Variants in MGAT4C observed in about 807,000 individuals in gnomAD.
MGAT4C encodes MGAT4 family member C, also known as alpha-1,3-mannosyl-glycoprotein 4-beta-N-acetylglucosaminyltransferase C.
MGAT4C carries 19 observed loss-of-function variants against 40.1 expected under a neutral mutation model. The ratio of observed to expected loss-of-function variants is 0.47; its 90% CI spans 0.33 to 0.70. MGAT4C has a LOEUF of 0.70. Among genes scored for constraint, MGAT4C ranks in the 30% least tolerant of loss-of-function variants. MGAT4C has a pLI of 0.02. For missense variants in MGAT4C, 491 were observed against 563.2 expected, an observed-to-expected ratio of 0.87 and a Z score of 1.30; for synonymous variants, 181 against 187.1, an observed-to-expected ratio of 0.97 and a Z score of 0.27.
rs369438132 is a variant in MGAT4C at position 86,179,326 on chromosome 12, TG to T, written c.-57+76912del. Among the ~76,000 whole-genome samples, 183 of 152,346 alleles carry T rather than the reference TG, an allele frequency of 1.2e-3. 1 individual carries two copies. Among genetic ancestry groups the T allele is most frequent in the African/African-American group, 4.2e-3 (173 of 41,590 alleles). On this transcript the variant is annotated intron_variant, in intron 1 of 4. Transcript: ENST00000611864. ...TTAAACTTCTTTTGGTTCCCAGTTTTGGGTATGTCTTTATCAGCAGTGTGAA... is the reference window on the plus strand; with the variant it reads ...TTAAACTTCTTTTGGTTCCCAGTTTTGGTATGTCTTTATCAGCAGTGTGAA...
intron 1 of MGAT4C, among the ~76,000 whole-genome samples, chr12:86,163,610 C>T (rs1014542208): frequency 6.6e-6 from 1 of 152,040 alleles, no homozygotes. Context: ...TTGAATAAAT[C>T]CATGTTATCA....
chr12:86,150,658 G>A (rs1341496160), intron 1 of MGAT4C, among the ~76,000 whole-genome samples: 2 of 152,192 alleles, frequency 1.3e-5, no homozygotes, highest in Non-Finnish European at 2.9e-5. Flanking sequence ...AAATTGTGTT[G>A]GAGGTCTTCA....
At chr12:86,704,987 T>C (rs1232430733) in intron 2 of MGAT4C, among the ~76,000 whole-genome samples, 1 of 152,100 alleles carries the variant, frequency 6.6e-6, no homozygotes, top group Non-Finnish European at 1.5e-5. Context: ...TTGTAGCCTT[T>C]TCTTGGAAAA....
At chr12:86,791,917 GAC>G in intron 1 of MGAT4C, among the ~76,000 whole-genome samples, 1 of 152,314 alleles carries the variant, frequency 6.6e-6, no homozygotes, top group East Asian at 1.9e-4. Context: ...AAGCAGGAGA[GAC>G]ACAGGCATTG....
rs562011365 is a variant in MGAT4C, at chr12:86,285,221, G to T, written c.-57+48844C>A. 1.5e-4 allele frequency among the ~76,000 whole-genome samples: 23 copies of T among 152,010 alleles called. No individual in the cohort carries two copies. In the South Asian group the frequency reaches 4.6e-3, roughly 30 times the overall value. On this transcript the variant is annotated intron_variant, in intron 4 of 7. Coordinates refer to the MGAT4C transcript ENST00000548651. ...TATTAGACACTATATTTTGCTGTAG[G>T]AATGAAGGGTGTTGATTCAATGAGA...
At chr12:86,239,041 T>C (rs939175518) in intron 1 of MGAT4C, among the ~76,000 whole-genome samples, 2 of 152,090 alleles carry the variant, frequency 1.3e-5, no homozygotes, top group Non-Finnish European at 2.9e-5. Flanking sequence ...AGATCCGTTC[T>C]GCAAAAAATA....
intron 1 of MGAT4C, among the ~76,000 whole-genome samples, chr12:86,175,171 G>A (rs900514053): frequency 3.3e-5 from 5 of 152,030 alleles, no homozygotes; most frequent in South Asian, 2.1e-4. Flanking sequence ...AGAAATGTAC[G>A]ATATAATCAA....
chr12:86,330,342 A>T (rs1954634924), intron 4 of MGAT4C, among the ~76,000 whole-genome samples: 1 of 152,122 alleles, frequency 6.6e-6, no homozygotes, highest in Non-Finnish European at 1.5e-5. Flanking sequence ...ATAAAAATAC[A>T]TTTTTCACCA....
chr12:86,790,924 G>GA lies in MGAT4C; in HGVS notation c.-262+47741dup, dbSNP rs146109282. Among the ~76,000 whole-genome samples the GA allele has an allele frequency of 2.7e-4, 41 of 151,782 alleles. 1 individual carries two copies. The highest frequency in any genetic ancestry group is 3.9e-4 in the East Asian group (2 of 5,160). The stretch of plus-strand genomic sequence containing the variant: ...GACAATGTTGAAAAATACTGCTCTA[G>GA]AAAAAAAAGCACTGTATAACCAATT... On this transcript the variant is annotated intron_variant, in intron 1 of 7. Coordinates refer to the MGAT4C transcript ENST00000548651.
At chr12:86,522,634 C>A (rs1001682818) in intron 2 of MGAT4C, among the ~76,000 whole-genome samples, 2 of 152,074 alleles carry the variant, frequency 1.3e-5, no homozygotes, top group African/African-American at 4.8e-5. Flanking sequence ...GGAAGTATTT[C>A]TCCTCCTCAA....
At chr12:86,025,298 A>G (rs1890148623) in intron 2 of MGAT4C, among the ~76,000 whole-genome samples, 1 of 151,674 alleles carries the variant, frequency 6.6e-6, no homozygotes, top group Non-Finnish European at 1.5e-5. Context: ...GTGAAAATCA[A>G]TTTTCCTATG....
At chr12:86,688,981 C>T (rs1185421932) in intron 2 of MGAT4C, among the ~76,000 whole-genome samples, 1 of 152,184 alleles carries the variant, frequency 6.6e-6, no homozygotes, top group Non-Finnish European at 1.5e-5. Flanking sequence ...TTCAGGTACA[C>T]CAATCAAACA....
At position 86,319,953 on chromosome 12, in the gene MGAT4C, G is replaced by T. The variant is rs192524019; in HGVS notation, c.-57+14112C>A. ...TAAATTAGTAAGAAAATAAATTCAC[G>T]ATGTACTGAGTGAATTTAGTTTTAC... On this transcript the variant is annotated intron_variant, in intron 4 of 7. Coordinates refer to the MGAT4C transcript ENST00000548651. Among the ~76,000 whole-genome samples the T allele has an allele frequency of 1.2e-3, 184 of 152,104 alleles. 1 individual carries two copies. The highest frequency in any genetic ancestry group is 2.0e-3 in the Non-Finnish European group (138 of 67,964).
chr12:86,098,005 C>T (rs1041225155), intron 1 of MGAT4C, among the ~76,000 whole-genome samples: 1 of 151,586 alleles, frequency 6.6e-6, no homozygotes, highest in South Asian at 2.1e-4. Context: ...GGAACACCTG[C>T]CTGAATTACA....
intron 2 of MGAT4C, among the ~76,000 whole-genome samples, chr12:86,035,995 G>A (rs1432335530): frequency 1.3e-5 from 2 of 149,986 alleles, no homozygotes; most frequent in African/African-American, 4.8e-5. Context: ...AGTATAGTTT[G>A]AAGTCAGGTA....
intron 3 of MGAT4C, among the ~76,000 whole-genome samples, chr12:86,334,733 A>G (rs545926323): frequency 6.6e-6 from 1 of 152,248 alleles, no homozygotes; most frequent in Non-Finnish European, 1.5e-5. Flanking sequence ...CACCATTCAA[A>G]ATATGAAAGA....
intron 2 of MGAT4C, among the ~76,000 whole-genome samples, chr12:86,474,997 G>C (rs1056801690): frequency 6.6e-6 from 1 of 152,002 alleles, no homozygotes; most frequent in African/African-American, 2.4e-5. Flanking sequence ...TACAAAGTTA[G>C]AAGTTTAGCA....
chr12:86,025,113 G>C (rs920461997), intron 2 of MGAT4C, among the ~76,000 whole-genome samples: 65 of 151,274 alleles, frequency 4.3e-4, no homozygotes, highest in African/African-American at 1.4e-3. Flanking sequence ...AAATAACCTA[G>C]ATTTATTACC....
chr12:86,702,381 A>G (rs1950378500), intron 2 of MGAT4C, among the ~76,000 whole-genome samples: 1 of 152,114 alleles, frequency 6.6e-6, no homozygotes, highest in Non-Finnish European at 1.5e-5. Flanking sequence ...CTTATCTTAA[A>G]AGAAGATGCC....
Sources: gnomAD v4.1 joint callset for allele counts (sites outside exome capture counted in the v4.1 genomes callset) on GRCh38, gnomAD v4.1.1 for gene constraint, MANE v1.5 for transcripts, NCBI Gene and HGNC (gene_info 2026-07-23, HGNC 2026-07-21) for gene names.